The following FYCO1 variants were observed in gnomAD, a reference collection of about 807,000 sequenced individuals.
FYCO1 encodes the protein FYVE and coiled-coil domain autophagy adaptor 1.
In FYCO1, 122 loss-of-function variants were observed where a neutral mutation model predicts 165.1. That is an observed-to-expected ratio of 0.74 (90% confidence interval 0.64 to 0.86). The LOEUF is 0.86. Among genes scored for constraint, FYCO1 ranks in the 40% least tolerant of loss-of-function variants. FYCO1 has a pLI of 0.00. For missense variants in FYCO1, 1,702 were observed against 1,810.3 expected (o/e 0.94, Z 1.09); for synonymous variants, 648 against 742.5 (o/e 0.87, Z 2.07).
At chr3:45,974,205 C>T (rs753515482) in intron 5 of FYCO1, among the ~76,000 whole-genome samples, 3 of 152,104 alleles carry the variant, frequency 2.0e-5, no homozygotes, top group African/African-American at 7.2e-5. Flanking sequence ...ATAGTGAGAC[C>T]CTGTCTATAT....
At chr3:45,961,554 G>A (rs774305877) in intron 11 of FYCO1, among the ~76,000 whole-genome samples, 5 of 151,538 alleles carry the variant, frequency 3.3e-5, no homozygotes, top group Non-Finnish European at 5.9e-5. Context: ...CTCAAGCCTG[G>A]GCAACAGAGT....
rs144505762 is a variant in FYCO1 at position 45,958,266 on chromosome 3, T to C, written c.3799+142A>G. The stretch of plus-strand genomic sequence containing the variant: ...TATCAAAATGAAAGTCTCAAGTTGG[T>C]GGTAATATATTTTAGCACCTCTTTA... On this transcript the variant is annotated intron_variant, in intron 13 of 17. Coordinates refer to ENST00000296137, the MANE Select transcript of FYCO1 (RefSeq NM_024513.4). 746 of 694,816 alleles carry C rather than the reference T, an allele frequency of 1.1e-3. 12 individuals are homozygous for C. In the African/African-American group the frequency reaches 0.012, roughly 11 times the overall value. The allele number at this position is 694,816 out of a possible 1,614,324, so 43.0% of individuals were successfully genotyped here.
chr3:45,953,625 C>T (rs1040742779), intron 14 of FYCO1, among the ~76,000 whole-genome samples: 1 of 151,984 alleles, frequency 6.6e-6, no homozygotes, highest in Non-Finnish European at 1.5e-5. Flanking sequence ...ATATCCTTGC[C>T]GTGGCTGCTT....
At chr3:45,963,332 AC>A (rs1314781663) in intron 10 of FYCO1, among the ~76,000 whole-genome samples, 1 of 152,156 alleles carries the variant, frequency 6.6e-6, no homozygotes, top group Non-Finnish European at 1.5e-5. Flanking sequence ...ACAAAAAACC[AC>A]TGTTTATCAT....
At chr3:45,978,981 C>T (rs1706907623) in intron 4 of FYCO1, among the ~76,000 whole-genome samples, 1 of 151,756 alleles carries the variant, frequency 6.6e-6, no homozygotes, top group Admixed American at 6.6e-5. Flanking sequence ...CTCAGCCTCC[C>T]GCGTAGCTGG....
intron 15 of FYCO1, among the ~76,000 whole-genome samples, chr3:45,932,429 C>A (rs1287198840): frequency 6.6e-6 from 1 of 152,236 alleles, no homozygotes; most frequent in Non-Finnish European, 1.5e-5. Context: ...TGACTGTTGC[C>A]ATTCTACAAA....
intron 12 of FYCO1, 106 bp from the exon 13 acceptor site, chr3:45,958,725 C>T: frequency 1.9e-6 from 2 of 1,059,854 alleles, no homozygotes; most frequent in Non-Finnish European, 2.9e-6. Flanking sequence ...CTCATCAGAC[C>T]TGGCTCTGCC....
chr3:45,936,686 C>G, intron 14 of FYCO1, 143 bp from the exon 15 acceptor site: 1 of 708,088 alleles, frequency 1.4e-6, no homozygotes, highest in South Asian at 1.5e-5. Flanking sequence ...TGACAGAGAC[C>G]CTGGCAGATT....
At position 45,923,673 on chromosome 3, in the gene FYCO1, G is replaced by T; in HGVS notation, c.4344C>A (p.Phe1448Leu). The T allele has an allele frequency of 6.2e-7, 1 of 1,613,122 alleles. No individual in the cohort carries two copies. Among genetic ancestry groups the T allele is most frequent in the Non-Finnish European group, 8.5e-7 (1 of 1,179,036 alleles). The change falls in exon 17 of 18, where the codon TTC becomes TTA. Residue 1448 changes from phenylalanine to leucine, a missense_variant. Coordinates refer to ENST00000296137, the MANE Select transcript of FYCO1 (RefSeq NM_024513.4). ...VRTPGIYMLI[F>L]DNTFSRFVSK... ...GGCCCTACCTTGAGAAGGTATTGTC[G>T]AAGATGAGCATGTAGATGCCGGGTG...
intron 16 of FYCO1, among the ~76,000 whole-genome samples, chr3:45,927,150 ATTTGTTTTTGTC>A (rs984114852): frequency 1.3e-5 from 2 of 152,068 alleles, no homozygotes; most frequent in African/African-American, 2.4e-5. Flanking sequence ...GAGTTTTTTT[ATTTGTTTTTGTC>A]TTTGTTTTTA....
chr3:45,977,218 T>C (rs1706803732), intron 4 of FYCO1, among the ~76,000 whole-genome samples: 1 of 151,902 alleles, frequency 6.6e-6, no homozygotes, highest in African/African-American at 2.4e-5. Flanking sequence ...CCCAGGTCTG[T>C]AAGCTCCCAA....
At chr3:45,945,550 A>C (rs1704535609) in intron 14 of FYCO1, 1 of 152,204 alleles carries the variant, frequency 6.6e-6, no homozygotes, top group Admixed American at 6.5e-5. Context: ...ATCCCATTTC[A>C]ATTGGGTTTT....
At chr3:45,983,329 T>G (rs1707145037) in intron 2 of FYCO1, among the ~76,000 whole-genome samples, 1 of 152,178 alleles carries the variant, frequency 6.6e-6, no homozygotes, top group Non-Finnish European at 1.5e-5. Context: ...ATGCCTCAGT[T>G]AAGGACACTC....
chr3:45,940,806 G>A (rs1439899213), intron 14 of FYCO1: 1 of 152,168 alleles, frequency 6.6e-6, no homozygotes, highest in Non-Finnish European at 1.5e-5. Context: ...CCTCCAAGGA[G>A]GCAAGACTTG....
intron 5 of FYCO1, 53 bp downstream of exon 5, chr3:45,975,186 T>C (rs1706680707): frequency 1.7e-6 from 2 of 1,157,404 alleles, no homozygotes; most frequent in Admixed American, 3.4e-5. Flanking sequence ...TAATGAACTT[T>C]AGTTCATTTC....
chr3:45,940,956 TTCTCCTGC>T (rs1225543900), intron 14 of FYCO1: 1 of 152,242 alleles, frequency 6.6e-6, no homozygotes, highest in African/African-American at 2.4e-5. Context: ...CGCGGTTTCC[TTCTCCTGC>T]TCTCCTGCTT....
Position 45,936,460 on chromosome 3 carries a change from G to C in FYCO1, c.4028C>G (p.Ser1343Cys). The change falls in exon 15 of 18, where the codon TCT becomes TGT. Residue 1343 changes from serine to cysteine, a missense_variant. By Grantham distance (112) the Ser-to-Cys change is moderately radical. Coordinates refer to ENST00000296137, the MANE Select transcript of FYCO1 (RefSeq NM_024513.4). ...GQDSEICLLK[S>C]GELMIKVPLT... ...AGTTGCCACTTACATCAGTTCTCCAGACTTCAGCAGGCAGATTTCCGAATC... is the reference window on the plus strand; with the variant it reads ...AGTTGCCACTTACATCAGTTCTCCACACTTCAGCAGGCAGATTTCCGAATC... 6.2e-7 allele frequency: 1 copy of C among 1,613,302 alleles called. No individual in the cohort carries two copies. The highest frequency in any genetic ancestry group is 8.5e-7 in the Non-Finnish European group (1 of 1,179,252).
chr3:45,947,372 G>C (rs777650347), intron 14 of FYCO1: 1 of 1,614,106 alleles, frequency 6.2e-7, no homozygotes, highest in Non-Finnish European at 8.5e-7. Flanking sequence ...AGTTTCGAAA[G>C]AACTTCTGGA....
At chr3:45,984,519 G>A (rs1575387841) in intron 2 of FYCO1, 1 of 437,840 alleles carries the variant, frequency 2.3e-6, no homozygotes, top group East Asian at 4.9e-5. Context: ...AACTTCATCA[G>A]AGCCCAGAAG....
Sources: gnomAD v4.1 joint callset for allele counts (sites outside exome capture counted in the v4.1 genomes callset) on GRCh38, gnomAD v4.1.1 for gene constraint, MANE v1.5 for transcripts, NCBI Gene and HGNC (gene_info 2026-07-23, HGNC 2026-07-21) for gene names.